Variants in ZBED6 observed in about 807,000 individuals in gnomAD.
The protein encoded by ZBED6 is zinc finger BED domain-containing protein 6.
A neutral mutation model predicts 58.4 loss-of-function variants in ZBED6; 40 were observed. The ratio of observed to expected loss-of-function variants is 0.68; its 90% CI spans 0.53 to 0.89. The LOEUF is 0.89. Ranked by LOEUF, ZBED6 falls within the 40% of genes least tolerant of loss-of-function variation. The pLI is 0.00. For synonymous variants in ZBED6, 439 were observed against 350.6 expected, an observed-to-expected ratio of 1.25 and a Z score of -2.82; for missense variants, 1,057 against 1,003.9, an observed-to-expected ratio of 1.05 and a Z score of -0.71.
chr1:203,817,666 CA>C (rs1474067492), intron 2 of ZBED6, among the ~76,000 whole-genome samples: 1 of 152,052 alleles, frequency 6.6e-6, no homozygotes, highest in Non-Finnish European at 1.5e-5. Flanking sequence ...GCTCTATTTA[CA>C]TATACCTATT....
At chr1:203,809,337 G>A (rs532432080) in intron 1 of ZBED6, among the ~76,000 whole-genome samples, 114 of 151,662 alleles carry the variant, frequency 7.5e-4, no homozygotes, top group African/African-American at 2.5e-3. Flanking sequence ...TACCGTGCCC[G>A]GCTAATTTTT....
At chr1:203,802,338 A>G (rs994564394) in exon 1 of ZBED6, 3 of 152,558 alleles carry the variant, frequency 2.0e-5, no homozygotes, top group Admixed American at 6.5e-5. Context: ...TAAGTTCTTT[A>G]TTTTTATAAT....
intron 10 of ZBED6, 38 bp from the exon 11 acceptor site, chr1:203,840,268 G>T (rs1238900056): frequency 1.9e-6 from 3 of 1,598,704 alleles, no homozygotes; most frequent in Non-Finnish European, 1.7e-6. Flanking sequence ...AAAAGTTTCT[G>T]TTCAACTTTT....
chr1:203,840,366 A>G, exon 11 of ZBED6: 1 of 1,612,700 alleles, frequency 6.2e-7, no homozygotes, highest in Non-Finnish European at 8.5e-7. Flanking sequence ...GATAATGAGG[A>G]TGCAACAGGT....
chr1:203,843,982 C>T (rs377134162), intron 11 of ZBED6, among the ~76,000 whole-genome samples: 3 of 151,914 alleles, frequency 2.0e-5, no homozygotes, highest in South Asian at 2.1e-4. Flanking sequence ...CTCACCCTTC[C>T]GAGTAGCTGG....
At chr1:203,814,997 T>G (rs1387358667) in intron 1 of ZBED6, 1 of 151,560 alleles carries the variant, frequency 6.6e-6, no homozygotes, top group Non-Finnish European at 1.5e-5. Flanking sequence ...ACCTGGGTAA[T>G]TTTTGTATTT....
At chr1:203,840,233 C>T (rs1003257324) in intron 10 of ZBED6, 73 bp from the exon 11 acceptor site, 1 of 1,451,628 alleles carries the variant, frequency 6.9e-7, no homozygotes, top group Non-Finnish European at 9.6e-7. Context: ...GCCACCATGC[C>T]CAGCAAACCT....
chr1:203,829,208 A>G (rs1032770977), intron 4 of ZBED6: 5 of 553,454 alleles, frequency 9.0e-6, no homozygotes, highest in East Asian at 6.2e-5. Context: ...TGCTTCTTCT[A>G]GTCTTCTGTT....
intron 11 of ZBED6, among the ~76,000 whole-genome samples, chr1:203,841,904 C>G (rs1414661868): frequency 6.7e-6 from 1 of 149,656 alleles, no homozygotes; most frequent in Non-Finnish European, 1.5e-5. Context: ...GGCAGAGACG[C>G]TCCTCACCTC....
intron 3 of ZBED6, among the ~76,000 whole-genome samples, chr1:203,822,756 C>G (rs1198424426): frequency 3.9e-5 from 6 of 152,176 alleles, no homozygotes; most frequent in African/African-American, 1.2e-4. Flanking sequence ...CCGTGGGTTC[C>G]AACACCCTAT....
chr1:203,808,855 C>T (rs181928091), intron 1 of ZBED6, among the ~76,000 whole-genome samples: 3 of 152,000 alleles, frequency 2.0e-5, no homozygotes, highest in East Asian at 3.9e-4. Context: ...CTTGAGAAGG[C>T]GTTTTTCTGT....
chr1:203,841,799 C>T (rs542384099), intron 11 of ZBED6, among the ~76,000 whole-genome samples: 73 of 149,502 alleles, frequency 4.9e-4, no homozygotes, highest in African/African-American at 1.5e-3. Flanking sequence ...ACCTCCCTCC[C>T]GGACGGGGCG....
rs201856552 is a variant in ZBED6 at position 203,833,859 on chromosome 1, A to G, written c.*3573+6A>G. The stretch of plus-strand genomic sequence containing the variant: ...GAAACGAAAATTTTCAGCAGGTAAG[A>G]TAAGTTTTGTGTATATCTTTTCTTT... On this transcript the variant is annotated splice_donor_region_variant and intron_variant, in intron 9 of 16. Transcript: ENST00000550078. 6.2e-7 allele frequency: 1 copy of G among 1,608,562 alleles called. No homozygotes were observed. Among genetic ancestry groups the G allele is most frequent in the Non-Finnish European group, 8.5e-7 (1 of 1,177,588 alleles).
rs1158161883 is a variant in ZBED6 at position 203,818,827 on chromosome 1, T to G, written c.*2873+138T>G. Reference sequence around the variant, plus strand: ...GCTCATGCCTGTAGTTCCAGCACTTTGGGAGGCTGAGGCGGGTAGATCATG... The same window carrying G: ...GCTCATGCCTGTAGTTCCAGCACTTGGGGAGGCTGAGGCGGGTAGATCATG... On this transcript the variant is annotated intron_variant, in intron 3 of 16. Coordinates refer to ENST00000550078, the Ensembl canonical transcript of ZBED6. 6 of 1,367,346 alleles carry G rather than the reference T, an allele frequency of 4.4e-6. 1 individual carries two copies. The African/African-American group carries it at 7.3e-5, about 17-fold the overall frequency. 84.7% of individuals were successfully genotyped at this position (1,367,346 alleles called of 1,614,324 possible).
chr1:203,796,865 A>G (rs1437256935), exon 1 of ZBED6: 1 of 158,980 alleles, frequency 6.3e-6, no homozygotes, highest in Non-Finnish European at 1.4e-5. Context: ...TCACATTTTA[A>G]AAGGTTGTAT....
exon 1 of ZBED6, chr1:203,798,551 G>C (rs970215585): frequency 3.3e-6 from 5 of 1,536,108 alleles, no homozygotes. Context: ...GTGATCTCTT[G>C]AGTGATACCT....
chr1:203,846,139 T>G (rs1216562760), intron 11 of ZBED6, among the ~76,000 whole-genome samples: 1 of 141,988 alleles, frequency 7.0e-6, no homozygotes, highest in South Asian at 2.5e-4. Context: ...AAAAAAAGAT[T>G]TTGAAAAGAT....
chr1:203,806,830 C>CTT (rs373591619), intron 1 of ZBED6, among the ~76,000 whole-genome samples: 27,790 of 117,838 alleles, frequency 0.24, 3,718 homozygotes, highest in East Asian at 0.52. Context: ...CCTCAGGTTC[C>CTT]TTTTTTTTTT....
exon 1 of ZBED6, chr1:203,798,855 A>G: frequency 1.3e-6 from 2 of 1,536,138 alleles, no homozygotes; most frequent in Non-Finnish European, 1.7e-6. Flanking sequence ...CCCTGATTAT[A>G]GGTTGCCATC....
Sources: allele counts gnomAD v4.1 joint callset (sites outside exome capture counted in the v4.1 genomes callset), GRCh38; gene constraint gnomAD v4.1.1; transcripts MANE v1.5; gene names NCBI Gene and HGNC (gene_info 2026-07-23, HGNC 2026-07-21).